Variants in ZNF233 observed in about 807,000 individuals in gnomAD.
ZNF233 encodes zinc finger protein 233.
A neutral mutation model predicts 11.6 loss-of-function variants in ZNF233; 7 were observed. That is an observed-to-expected ratio of 0.60 (90% CI 0.34 to 1.13). The LOEUF (loss-of-function observed/expected upper bound fraction) is 1.13, where lower values mean the gene tolerates loss of function less well. Among genes scored for constraint, ZNF233 ranks in the 50% most tolerant of loss-of-function variants. ZNF233 has a pLI of 0.03. For missense variants in ZNF233, 711 were observed against 785.5 expected, an observed-to-expected ratio of 0.91 and a Z score of 1.13; for synonymous variants, 226 against 268.5, an observed-to-expected ratio of 0.84 and a Z score of 1.55.
intron 1 of ZNF233, among the ~76,000 whole-genome samples, chr19:44,263,412 C>A (rs989998570): frequency 2.6e-5 from 4 of 152,052 alleles, no homozygotes; most frequent in Non-Finnish European, 4.4e-5. Context: ...TCATTAATCC[C>A]CAAAGCAACT....
intron 1 of ZNF233, chr19:44,260,259 G>C (rs1974898664): frequency 5.9e-6 from 1 of 169,770 alleles, no homozygotes; most frequent in African/African-American, 2.4e-5. Context: ...TTTCATAGTA[G>C]TACCTAACTG....
Position 44,274,995 on chromosome 19 carries a change from C to T in ZNF233, c.*322C>T, listed in dbSNP as rs1439238419. 1 of 410,192 alleles carries T rather than the reference C, an allele frequency of 2.4e-6. No individual in the cohort carries two copies. The highest frequency in any genetic ancestry group is 4.3e-6 in the Non-Finnish European group (1 of 231,698). The allele number at this position is 410,192 out of a possible 1,614,324, so 25.4% of individuals were successfully genotyped here. A position where few individuals can be genotyped will look rare whatever the true frequency, so the allele number is the denominator to read the frequency against. Reference sequence around the variant, plus strand: ...AAGCAATATGCAGGAGTGAAGCCTTCAAAATGATAAGTAAGGTCAGAATTT... The same window carrying T: ...AAGCAATATGCAGGAGTGAAGCCTTTAAAATGATAAGTAAGGTCAGAATTT... On this transcript the variant is annotated 3_prime_UTR_variant, in exon 5 of 5. Transcript: ENST00000683810.
intron 3 of ZNF233, 32 bp downstream of exon 3, chr19:44,266,356 C>T: frequency 6.4e-7 from 1 of 1,564,088 alleles, no homozygotes; most frequent in Non-Finnish European, 8.7e-7. Context: ...AACTGAATAT[C>T]AGCCCTCTGG....
chr19:44,263,022 C>T (rs1974977909), intron 1 of ZNF233, among the ~76,000 whole-genome samples: 1 of 152,132 alleles, frequency 6.6e-6, no homozygotes, highest in Non-Finnish European at 1.5e-5. Context: ...AGCTCTGTGA[C>T]CTTGGGCAAC....
chr19:44,274,779 T>A lies in ZNF233; in HGVS notation c.*106T>A. ...CACACAGCACAGAATATTTATAAAA[T>A]GTCATGTTTTAAGAATTCATGAGCT... On this transcript the variant is annotated 3_prime_UTR_variant, in exon 5 of 5. Coordinates refer to ENST00000683810, the MANE Select transcript of ZNF233 (RefSeq NM_001207005.2). The A allele has an allele frequency of 1.1e-6, 1 of 916,992 alleles. No individual in the cohort carries two copies. The highest frequency in any genetic ancestry group is 1.6e-6 in the Non-Finnish European group (1 of 643,390). 56.8% of individuals were successfully genotyped at this position (916,992 alleles called of 1,614,324 possible).
intron 4 of ZNF233, among the ~76,000 whole-genome samples, chr19:44,272,668 G>A (rs1975268583): frequency 6.6e-6 from 1 of 152,084 alleles, no homozygotes; most frequent in Non-Finnish European, 1.5e-5. Context: ...CCGGGAGGTG[G>A]AGCTTGCAGT....
Position 44,274,261 on chromosome 19 carries a change from A to C in ZNF233, c.1601A>C (p.Lys534Thr), listed in dbSNP as rs1975330551. The change falls in exon 5 of 5, where the codon AAG becomes ACG. Residue 534 changes from lysine to threonine, a missense_variant. Coordinates refer to ENST00000683810, the MANE Select transcript of ZNF233 (RefSeq NM_001207005.2). ...CATCAGAGAGTTCACAAAGGAGAGA[A>C]GCCATACAAATGTGAGACATGTGGG... is the stretch of plus-strand genomic sequence containing the variant. ...QAHQRVHKGE[K>T]PYKCETCGKG... The C allele has an allele frequency of 1.2e-6, 2 of 1,610,366 alleles. No individual in the cohort carries two copies. Among genetic ancestry groups the C allele is most frequent in the Non-Finnish European group, 1.7e-6 (2 of 1,176,872 alleles).
chr19:44,272,734 C>CA (rs1975270454), intron 4 of ZNF233, among the ~76,000 whole-genome samples, 165 bp from the exon 5 acceptor site: 1 of 150,710 alleles, frequency 6.6e-6, no homozygotes, highest in African/African-American at 2.4e-5. Flanking sequence ...GACTCCGTCT[C>CA]AAAAAACAAA....
chr19:44,265,724 A>G (rs1460223790), intron 2 of ZNF233, among the ~76,000 whole-genome samples: 3 of 152,064 alleles, frequency 2.0e-5, no homozygotes, highest in African/African-American at 4.8e-5. Flanking sequence ...CCGGCCACAC[A>G]GTTTCTTTAT....
chr19:44,267,935 AC>A (rs2123054286), intron 4 of ZNF233: 1 of 152,092 alleles, frequency 6.6e-6, no homozygotes, highest in South Asian at 2.1e-4. Flanking sequence ...TGTTTAAAAT[AC>A]CTATCCTTGG....
chr19:44,267,550 T>G (rs1252748736), intron 4 of ZNF233: 1 of 373,558 alleles, frequency 2.7e-6, no homozygotes, highest in African/African-American at 2.1e-5. Context: ...ATATACATGT[T>G]TTTTTTTTTT....
chr19:44,264,357 G>A lies in ZNF233; in HGVS notation c.-4G>A, dbSNP rs1975012155. The A allele has an allele frequency of 1.9e-6, 3 of 1,613,484 alleles. No homozygotes were observed. The highest frequency in any genetic ancestry group is 2.5e-6 in the Non-Finnish European group (3 of 1,179,810). ...CTGCCCTTCCCCAGAAGGAGCAGGA[G>A]AAAATGACCAAGTTTCAGGTGAGTT... On this transcript the variant is annotated 5_prime_UTR_variant, in exon 2 of 5. Transcript: ENST00000683810.
Sources: allele counts gnomAD v4.1 joint callset (sites outside exome capture counted in the v4.1 genomes callset), GRCh38; gene constraint gnomAD v4.1.1; transcripts MANE v1.5; gene names NCBI Gene and HGNC (gene_info 2026-07-23, HGNC 2026-07-21).